Variants in TAFA4 observed in about 807,000 individuals in gnomAD.
The protein encoded by TAFA4 is chemokine-like protein TAFA-4.
Under a neutral mutation model 21.1 loss-of-function variants are expected in TAFA4, and 20 were observed. That is an observed-to-expected ratio of 0.95 (90% CI 0.67 to 1.38). The LOEUF (loss-of-function observed/expected upper bound fraction) is 1.38, where lower values mean the gene tolerates loss of function less well. TAFA4 is among the 40% of genes most tolerant of loss of function. The probability of loss-of-function intolerance (pLI) is 0.00; values close to 1 mark genes in which losing one functional copy is unlikely to be tolerated. For synonymous variants in TAFA4, 71 were observed against 67.4 expected (o/e 1.05, Z -0.26); for missense variants, 211 against 180.9 (o/e 1.17, Z -0.95).
intron 3 of TAFA4, among the ~76,000 whole-genome samples, chr3:68,816,485 T>C (rs759742885): frequency 6.6e-6 from 1 of 152,202 alleles, no homozygotes; most frequent in Non-Finnish European, 1.5e-5. Context: ...TAAATGGGAT[T>C]GTTTTCTTGA....
chr3:68,845,496 T>C (rs568607937), intron 3 of TAFA4, among the ~76,000 whole-genome samples: 59 of 152,372 alleles, frequency 3.9e-4, no homozygotes, highest in Admixed American at 7.2e-4. Context: ...TGTCTTTTAA[T>C]TGGGGCCTTT....
chr3:68,864,691 G>C (rs558961219), intron 3 of TAFA4, among the ~76,000 whole-genome samples: 7 of 152,028 alleles, frequency 4.6e-5, no homozygotes, highest in African/African-American at 1.7e-4. Context: ...AAAACTCCAA[G>C]TGTTTATCAA....
At chr3:68,813,088 C>T (rs939161446) in intron 3 of TAFA4, among the ~76,000 whole-genome samples, 4 of 151,952 alleles carry the variant, frequency 2.6e-5, no homozygotes, top group Non-Finnish European at 4.4e-5. Flanking sequence ...GGGTACATAA[C>T]GAAATGAAGG....
intron 3 of TAFA4, among the ~76,000 whole-genome samples, chr3:68,831,677 TGAG>T (rs1241162266): frequency 1.2e-4 from 19 of 152,156 alleles, no homozygotes; most frequent in South Asian, 4.2e-4. Flanking sequence ...TTGCTCGTCT[TGAG>T]GAGTATCTTT....
intron 4 of TAFA4, among the ~76,000 whole-genome samples, chr3:68,749,234 T>C (rs1305788301): frequency 6.6e-6 from 1 of 152,236 alleles, no homozygotes; most frequent in Admixed American, 6.5e-5. Context: ...TATAATATAA[T>C]CTATGGTTTT....
intron 3 of TAFA4, among the ~76,000 whole-genome samples, chr3:68,835,753 T>C (rs1276232552): frequency 6.6e-6 from 1 of 152,230 alleles, no homozygotes; most frequent in Non-Finnish European, 1.5e-5. Context: ...TGAAGAAATC[T>C]GTAAGACTCC....
intron 3 of TAFA4, among the ~76,000 whole-genome samples, chr3:68,848,374 CAA>C (rs1381244095): frequency 6.6e-6 from 1 of 152,176 alleles, no homozygotes; most frequent in Non-Finnish European, 1.5e-5. Context: ...AGCTATGTAT[CAA>C]CGAATAAAAA....
chr3:68,877,696 T>C (rs1206013561), intron 3 of TAFA4, among the ~76,000 whole-genome samples: 1 of 152,198 alleles, frequency 6.6e-6, no homozygotes, highest in African/African-American at 2.4e-5. Context: ...ACAGTCAGCT[T>C]ACTAGAACAA....
chr3:68,898,595 A>C (rs1444986407), intron 1 of TAFA4, among the ~76,000 whole-genome samples: 2 of 152,206 alleles, frequency 1.3e-5, no homozygotes, highest in East Asian at 3.9e-4. Context: ...GCAGTGAGCC[A>C]AGATCGTGCC....
intron 3 of TAFA4, among the ~76,000 whole-genome samples, chr3:68,782,040 A>G (rs1703162960): frequency 6.6e-6 from 1 of 152,212 alleles, no homozygotes; most frequent in Non-Finnish European, 1.5e-5. Flanking sequence ...AGTATCAAAG[A>G]ATACTTTCAA....
intron 3 of TAFA4, among the ~76,000 whole-genome samples, chr3:68,759,198 T>C (rs1640777276): frequency 6.6e-6 from 1 of 152,210 alleles, no homozygotes; most frequent in African/African-American, 2.4e-5. Flanking sequence ...TTTTATTCTA[T>C]TCAGGTCCTC....
At chr3:68,886,480 A>G (rs1187905401) in intron 1 of TAFA4, among the ~76,000 whole-genome samples, 1 of 152,212 alleles carries the variant, frequency 6.6e-6, no homozygotes, top group African/African-American at 2.4e-5. Context: ...AGAACTACAC[A>G]ATATAATTCA....
chr3:68,896,642 A>G (rs907884495), intron 1 of TAFA4, among the ~76,000 whole-genome samples: 2 of 152,222 alleles, frequency 1.3e-5, no homozygotes, highest in Non-Finnish European at 2.9e-5. Flanking sequence ...AAAACACCTT[A>G]TTGACTGCTT....
chr3:68,812,798 T>C (rs1004874003), intron 3 of TAFA4, among the ~76,000 whole-genome samples: 3 of 152,184 alleles, frequency 2.0e-5, no homozygotes, highest in African/African-American at 4.8e-5. Flanking sequence ...TACCCAGGAA[T>C]TGAACTCAGC....
chr3:68,768,422 T>G (rs1423922279), intron 3 of TAFA4, among the ~76,000 whole-genome samples: 3 of 152,144 alleles, frequency 2.0e-5, no homozygotes, highest in Non-Finnish European at 4.4e-5. Context: ...CCAGTTAGAA[T>G]GCCTATTATC....
At chr3:68,885,357 A>G (rs565079928) in intron 1 of TAFA4, 47 bp from the exon 2 acceptor site, 18 of 591,378 alleles carry the variant, frequency 3.0e-5, no homozygotes, top group Non-Finnish European at 5.3e-5. Context: ...TTAGCATTTT[A>G]ATGTTAAAAT....
At chr3:68,791,291 T>C (rs949487788) in intron 3 of TAFA4, among the ~76,000 whole-genome samples, 5 of 152,218 alleles carry the variant, frequency 3.3e-5, no homozygotes, top group African/African-American at 1.2e-4. Context: ...AACATGCTGG[T>C]GTCCTTGTAA....
chr3:68,822,274 T>C (rs1240282716), intron 3 of TAFA4, among the ~76,000 whole-genome samples: 1 of 152,218 alleles, frequency 6.6e-6, no homozygotes, highest in Non-Finnish European at 1.5e-5. Context: ...TTTCACCAAA[T>C]GAGCTATTTG....
chr3:68,819,766 T>C (rs1704073729), intron 3 of TAFA4, among the ~76,000 whole-genome samples: 1 of 152,180 alleles, frequency 6.6e-6, no homozygotes, highest in African/African-American at 2.4e-5. Flanking sequence ...AGGACGGCTA[T>C]TATCAAAAAG....
Sources: gnomAD v4.1 joint callset for allele counts (sites outside exome capture counted in the v4.1 genomes callset) on GRCh38, gnomAD v4.1.1 for gene constraint, MANE v1.5 for transcripts, NCBI Gene and HGNC (gene_info 2026-07-23, HGNC 2026-07-21) for gene names.